TMOD3: variants seen among roughly 807,000 people sequenced by gnomAD.
TMOD3 encodes the protein tropomodulin-3.
A neutral mutation model predicts 39.2 loss-of-function variants in TMOD3; 20 were observed. That is an observed-to-expected ratio of 0.51 (90% CI 0.36 to 0.74). The LOEUF is 0.74. TMOD3 is among the 30% of genes least tolerant of loss of function. The pLI, the probability that TMOD3 is intolerant of heterozygous loss-of-function variation, is 0.00. For missense variants in TMOD3, 381 were observed against 412.8 expected (o/e 0.92, Z 0.67); for synonymous variants, 143 against 145.8 (o/e 0.98, Z 0.14).
Position 51,914,556 on chromosome 15 carries a change from T to C in TMOD3, c.*5746T>C, listed in dbSNP as rs2056725514. On this transcript the variant is annotated 3_prime_UTR_variant, in exon 10 of 10. Coordinates refer to ENST00000308580, the MANE Select transcript of TMOD3 (RefSeq NM_014547.5). Reference sequence around the variant, plus strand: ...GATGCGCACCTGTAATTCTAGCTACTTGGGAGCCTAAGGCAGGAGAATCAC... The same window carrying C: ...GATGCGCACCTGTAATTCTAGCTACCTGGGAGCCTAAGGCAGGAGAATCAC... 6.5e-6 allele frequency: 1 copy of C among 153,428 alleles called. No homozygotes were observed. Among genetic ancestry groups the C allele is most frequent in the South Asian group, 2.1e-4 (1 of 4,818 alleles). The allele number at this position is 153,428 out of a possible 1,614,324, so 9.5% of individuals were successfully genotyped here.
At chr15:51,845,140 A>G (rs1334252674) in intron 1 of TMOD3, among the ~76,000 whole-genome samples, 1 of 152,174 alleles carries the variant, frequency 6.6e-6, no homozygotes, top group Non-Finnish European at 1.5e-5. Flanking sequence ...ATCATAGACA[A>G]TTAGAATTAG....
intron 1 of TMOD3, chr15:51,859,801 A>G (rs369241227): frequency 3.9e-6 from 2 of 507,208 alleles, no homozygotes; most frequent in Non-Finnish European, 8.0e-6. Context: ...AGTCCCAGCT[A>G]CTGCCACCTC....
At chr15:51,901,475 T>C (rs2056649647) in intron 8 of TMOD3, 1 of 154,390 alleles carries the variant, frequency 6.5e-6, no homozygotes, top group Admixed American at 6.5e-5. Flanking sequence ...ATCTTTTTTA[T>C]TATACTTATC....
chr15:51,886,871 A>C (rs1405471995), intron 3 of TMOD3, among the ~76,000 whole-genome samples: 1 of 152,234 alleles, frequency 6.6e-6, no homozygotes, highest in Non-Finnish European at 1.5e-5. Context: ...AATTTATAGA[A>C]TCATAATTGT....
rs1399178988 is a variant in TMOD3 at position 51,893,902 on chromosome 15, A to G, written c.584A>G (p.Glu195Gly). The G allele has an allele frequency of 1.2e-6, 2 of 1,608,450 alleles. No individual in the cohort carries two copies. The highest frequency in any genetic ancestry group is 2.7e-5 in the African/African-American group (2 of 74,772). The change falls in exon 6 of 10, where the codon GAA (glutamate) becomes GGA (glycine). Residue 195 changes from glutamate (E) to glycine (G), a missense_variant. Physicochemically the swap from Glu to Gly is moderately conservative, Grantham distance 98. Coordinates refer to ENST00000308580, the MANE Select transcript of TMOD3 (RefSeq NM_014547.5). ...GAAGAGAGTTTGAAGAGAACTAAAG[A>G]AAACGATGCTCATCTTGTTGAAGTT... Reference protein sequence around the residue: ...NVEESLKRTKENDAHLVEVNL... With the variant: ...NVEESLKRTKGNDAHLVEVNL...
At chr15:51,853,701 C>G (rs2056373390) in intron 1 of TMOD3, among the ~76,000 whole-genome samples, 7 of 150,874 alleles carry the variant, frequency 4.6e-5, no homozygotes, top group Admixed American at 4.0e-4. Flanking sequence ...CCTACCTACT[C>G]AGGAGGCTGA....
intron 3 of TMOD3, among the ~76,000 whole-genome samples, chr15:51,874,321 A>G (rs1436913740): frequency 6.6e-6 from 1 of 152,238 alleles, no homozygotes; most frequent in Non-Finnish European, 1.5e-5. Flanking sequence ...AGCATATGTC[A>G]ATATATGAAA....
chr15:51,881,550 CT>C (rs753814979), intron 3 of TMOD3, among the ~76,000 whole-genome samples: 267 of 61,812 alleles, frequency 4.3e-3, no homozygotes, highest in African/African-American at 9.7e-3. Flanking sequence ...TTCTTTATTT[CT>C]TTTTTTTTTT....
At chr15:51,904,834 T>A (rs2141710502) in intron 9 of TMOD3, among the ~76,000 whole-genome samples, 1 of 152,244 alleles carries the variant, frequency 6.6e-6, no homozygotes, top group East Asian at 1.9e-4. Context: ...CTCTGAGCAA[T>A]TGAATAGCCG....
At chr15:51,889,510 C>G (rs2056581692) in intron 5 of TMOD3, among the ~76,000 whole-genome samples, 1 of 152,066 alleles carries the variant, frequency 6.6e-6, no homozygotes, top group African/African-American at 2.4e-5. Context: ...TACCACAAAA[C>G]TATTCAGCCC....
In TMOD3 at chr15:51,873,520, A is replaced by G. The variant is rs118159454; in HGVS notation, c.283+4147A>G. ...CATAAGATGTTCTCTTGGTCTCTAA[A>G]TGATTTTTTCATTCAAAGATGACTG... On this transcript the variant is annotated intron_variant, in intron 3 of 9. Transcript: ENST00000308580. 3.0e-4 allele frequency among the ~76,000 whole-genome samples: 45 copies of G among 152,320 alleles called. No individual in the cohort carries two copies. In the East Asian group the frequency reaches 7.9e-3, roughly 27 times the overall value.
chr15:51,896,334 CAAA>C, intron 6 of TMOD3, 82 bp from the exon 7 acceptor site: 1 of 955,626 alleles, frequency 1.0e-6, no homozygotes, highest in East Asian at 2.6e-5. Flanking sequence ...CATTTTAAAG[CAAA>C]AAAAACCATA....
chr15:51,859,890 G>C, intron 1 of TMOD3: 1 of 537,562 alleles, frequency 1.9e-6, no homozygotes, highest in Non-Finnish European at 3.8e-6. Context: ...AGAAGCTTGA[G>C]TTCATGTGCC....
At chr15:51,857,501 G>A (rs937399195) in intron 1 of TMOD3, among the ~76,000 whole-genome samples, 58 of 151,942 alleles carry the variant, frequency 3.8e-4, no homozygotes, top group African/African-American at 1.4e-3. Context: ...ACAGAACCTG[G>A]GTGGCATATA....
intron 9 of TMOD3, among the ~76,000 whole-genome samples, chr15:51,903,747 T>C (rs191283631): frequency 6.6e-6 from 1 of 152,180 alleles, no homozygotes; most frequent in African/African-American, 2.4e-5. Flanking sequence ...TTAAGAGAAC[T>C]TCATAAAGAA....
At chr15:51,865,377 T>C (rs1196818860) in intron 2 of TMOD3, among the ~76,000 whole-genome samples, 2 of 152,158 alleles carry the variant, frequency 1.3e-5, no homozygotes, top group Non-Finnish European at 2.9e-5. Context: ...TTATTACAAT[T>C]AGGGAAAGAG....
chr15:51,869,106 G>C, intron 2 of TMOD3, 111 bp from the exon 3 acceptor site: 1 of 1,167,812 alleles, frequency 8.6e-7, no homozygotes. Flanking sequence ...GAAGTGTTTA[G>C]TGCCTGTATC....
chr15:51,899,614 T>C (rs975899569), intron 7 of TMOD3, among the ~76,000 whole-genome samples: 1 of 151,044 alleles, frequency 6.6e-6, no homozygotes, highest in African/African-American at 2.4e-5. Flanking sequence ...TGCAGTGAGC[T>C]GTGATCCTGC....
At chr15:51,880,023 A>G (rs1442427762) in intron 3 of TMOD3, among the ~76,000 whole-genome samples, 1 of 152,202 alleles carries the variant, frequency 6.6e-6, no homozygotes, top group Non-Finnish European at 1.5e-5. Context: ...TCAACATCTC[A>G]TAGTCACTAA....
Sources: gnomAD v4.1 joint callset for allele counts (sites outside exome capture counted in the v4.1 genomes callset) on GRCh38, gnomAD v4.1.1 for gene constraint, MANE v1.5 for transcripts, NCBI Gene and HGNC (gene_info 2026-07-23, HGNC 2026-07-21) for gene names.